BLTP1: variants seen among roughly 807,000 people sequenced by gnomAD.
The protein encoded by BLTP1 is fragile site-associated protein.
At chr4:122,319,261 T>C in the BLTP1 span, among the ~76,000 whole-genome samples, 4 of 152,008 alleles carry the variant, frequency 2.6e-5, no homozygotes, top group Non-Finnish European at 5.9e-5. Flanking sequence ...ATGCTTAATT[T>C]GGATTTAATT....
chr4:122,290,810 TATACACAC>T, the BLTP1 span: 2 of 37,530 alleles, frequency 5.3e-5, no homozygotes, highest in African/African-American at 2.4e-4. Flanking sequence ...AAAAAAAAAA[TATACACAC>T]ACACACACAC....
the BLTP1 span, among the ~76,000 whole-genome samples, chr4:122,228,224 A>T: frequency 6.6e-6 from 1 of 152,120 alleles, no homozygotes; most frequent in Non-Finnish European, 1.5e-5. Context: ...TTAAATTTTT[A>T]AAAATAAGTT....
the BLTP1 span, chr4:122,231,692 A>T: frequency 4.1e-6 from 4 of 971,466 alleles, no homozygotes; most frequent in Non-Finnish European, 4.9e-6. Flanking sequence ...TCTTGTTAAC[A>T]TATAAAACTC....
At chr4:122,329,467 G>A in the BLTP1 span, among the ~76,000 whole-genome samples, 1 of 149,894 alleles carries the variant, frequency 6.7e-6, no homozygotes, top group Non-Finnish European at 1.5e-5. Context: ...ATTTTTCTAG[G>A]TATTTTGGTA....
At chr4:122,232,537 G>T in the BLTP1 span, among the ~76,000 whole-genome samples, 1 of 152,050 alleles carries the variant, frequency 6.6e-6, no homozygotes, top group African/African-American at 2.4e-5. Context: ...AACCTGGGAG[G>T]CGGAGGTTGC....
chr4:122,330,205 C>A, the BLTP1 span, among the ~76,000 whole-genome samples: 2 of 151,876 alleles, frequency 1.3e-5, no homozygotes, highest in Non-Finnish European at 2.9e-5. Context: ...GCTAATATCT[C>A]TTTGAGATCC....
chr4:122,326,288 CATT>C, the BLTP1 span, among the ~76,000 whole-genome samples: 12 of 151,666 alleles, frequency 7.9e-5, no homozygotes, highest in Admixed American at 6.6e-4. Flanking sequence ...TCAGAACAAA[CATT>C]AATAATTGAA....
At chr4:122,190,501 G>C in the BLTP1 span, 1 of 859,962 alleles carries the variant, frequency 1.2e-6, no homozygotes, top group South Asian at 5.4e-5. Flanking sequence ...TCAGGAAATG[G>C]TAAATGTAGA....
the BLTP1 span, chr4:122,340,561 A>G: frequency 1.1e-5 from 2 of 185,898 alleles, no homozygotes; most frequent in African/African-American, 4.8e-5. Flanking sequence ...ATCTCTTAAC[A>G]CAGTATTTAC....
chr4:122,264,109 T>G, the BLTP1 span: 1 of 1,229,528 alleles, frequency 8.1e-7, no homozygotes, highest in Non-Finnish European at 1.0e-6. Context: ...CCTAAAAGTA[T>G]GCATTATTTT....
At chr4:122,350,072 A>G in the BLTP1 span, 1 of 1,613,054 alleles carries the variant, frequency 6.2e-7, no homozygotes, top group Non-Finnish European at 8.5e-7. Flanking sequence ...TCACAAGAAC[A>G]ATGTAAGAAT....
the BLTP1 span, among the ~76,000 whole-genome samples, chr4:122,252,962 ACT>A: frequency 2.5e-4 from 38 of 152,168 alleles, no homozygotes; most frequent in East Asian, 7.0e-3. Flanking sequence ...ACAGAGAGAG[ACT>A]CTGCTTGGGA....
chr4:122,271,964 A>G, the BLTP1 span: 1 of 297,722 alleles, frequency 3.4e-6, no homozygotes, highest in Non-Finnish European at 5.0e-6. Context: ...CCTGATTTAA[A>G]ATATCTGGCT....
chr4:122,169,301 CAGAAAACAGGTTT>C, the BLTP1 span, among the ~76,000 whole-genome samples: 2 of 152,238 alleles, frequency 1.3e-5, no homozygotes, highest in East Asian at 3.9e-4. Context: ...GGTGAATAAA[CAGAAAACAGGTTT>C]AGAAAGTTAA....
chr4:122,304,816 A>G, the BLTP1 span: 1 of 1,613,714 alleles, frequency 6.2e-7, no homozygotes, highest in Non-Finnish European at 8.5e-7. Flanking sequence ...AGTAACGGCC[A>G]CTACTCCATC....
At chr4:122,195,243 C>T in the BLTP1 span, among the ~76,000 whole-genome samples, 1 of 152,110 alleles carries the variant, frequency 6.6e-6, no homozygotes, top group African/African-American at 2.4e-5. Context: ...ATTTTAGTTT[C>T]TAGATTTTGG....
At chr4:122,304,671 A>G in the BLTP1 span, 1 of 1,438,536 alleles carries the variant, frequency 7.0e-7, no homozygotes, top group Non-Finnish European at 9.1e-7. Context: ...TATTATCTCC[A>G]AGGTATGCCT....
At chr4:122,224,399 G>A in the BLTP1 span, 1 of 1,250,052 alleles carries the variant, frequency 8.0e-7, no homozygotes, top group Non-Finnish European at 1.1e-6. Context: ...GATGGCATGA[G>A]TTTATTGTTC....
At chr4:122,168,711 T>C in the BLTP1 span, among the ~76,000 whole-genome samples, 1 of 152,162 alleles carries the variant, frequency 6.6e-6, no homozygotes, top group Non-Finnish European at 1.5e-5. Flanking sequence ...ACTCAGTTTC[T>C]ACACTGTAGG....
Sources: gnomAD v4.1 joint callset for allele counts (sites outside exome capture counted in the v4.1 genomes callset) on GRCh38, gnomAD v4.1.1 for gene constraint, MANE v1.5 for transcripts, NCBI Gene and HGNC (gene_info 2026-07-23, HGNC 2026-07-21) for gene names.